The following PRKN variants were observed in gnomAD, a reference collection of about 807,000 sequenced individuals.
PRKN encodes the protein parkin RBR E3 ubiquitin protein ligase, also known as E3 ubiquitin-protein ligase parkin.
Under a neutral mutation model 59.5 loss-of-function variants are expected in PRKN, and 56 were observed. The ratio of observed to expected loss-of-function variants is 0.94; its 90% confidence interval spans 0.76 to 1.18. The LOEUF is 1.18. Ranked by LOEUF, PRKN falls within the 50% of genes most tolerant of loss-of-function variation. PRKN has a pLI of 0.00. For missense variants in PRKN, 657 were observed against 596.4 expected (o/e 1.10, Z -1.06); for synonymous variants, 250 against 222.1 (o/e 1.13, Z -1.12).
At chr6:162,302,397 C>T (rs1782001933) in intron 2 of PRKN, among the ~76,000 whole-genome samples, 1 of 152,110 alleles carries the variant, frequency 6.6e-6, no homozygotes, top group African/African-American at 2.4e-5. Flanking sequence ...CAAGTTACCC[C>T]TTAAAAGAGA....
At chr6:162,546,784 C>G (rs191282191) in intron 1 of PRKN, among the ~76,000 whole-genome samples, 10 of 152,252 alleles carry the variant, frequency 6.6e-5, no homozygotes, top group Admixed American at 4.6e-4. Flanking sequence ...TGTCTCCTTT[C>G]ACCTAACAGA....
At chr6:162,657,716 G>C (rs1056880469) in intron 1 of PRKN, among the ~76,000 whole-genome samples, 1 of 152,088 alleles carries the variant, frequency 6.6e-6, no homozygotes, top group South Asian at 2.1e-4. Flanking sequence ...AAAATTAGTG[G>C]AAGACCCTCC....
At chr6:162,068,072 T>C (rs1778410385) in intron 4 of PRKN, among the ~76,000 whole-genome samples, 1 of 152,218 alleles carries the variant, frequency 6.6e-6, no homozygotes, top group African/African-American at 2.4e-5. Flanking sequence ...AGGAAATCAG[T>C]AACTACATTT....
intron 1 of PRKN, among the ~76,000 whole-genome samples, chr6:162,681,583 T>A (rs1779769479): frequency 6.6e-6 from 1 of 152,164 alleles, no homozygotes; most frequent in South Asian, 2.1e-4. Context: ...AGCCCCTGAT[T>A]ACTGTCTACA....
intron 3 of PRKN, among the ~76,000 whole-genome samples, chr6:162,206,645 G>A (rs1183534832): frequency 1.3e-5 from 2 of 152,114 alleles, no homozygotes; most frequent in African/African-American, 4.8e-5. Flanking sequence ...CCTCAGTTCT[G>A]GTGGAGCCCT....
intron 2 of PRKN, among the ~76,000 whole-genome samples, chr6:162,400,886 A>C (rs1787759582): frequency 6.6e-6 from 1 of 152,198 alleles, no homozygotes; most frequent in Non-Finnish European, 1.5e-5. Flanking sequence ...GTACAATGTA[A>C]TATACACTTA....
At position 162,162,880 on chromosome 6, in the gene PRKN, C is replaced by T. The variant is rs909866361; in HGVS notation, c.534+38251G>A. ...AAAATCAGTGGGGCGTGATGGTGGGCACCTGTAGTCCCAGCTACTCGGGAG... is the reference window on the plus strand; with the variant it reads ...AAAATCAGTGGGGCGTGATGGTGGGTACCTGTAGTCCCAGCTACTCGGGAG... On this transcript the variant is annotated intron_variant, in intron 4 of 11. Transcript: ENST00000366898. Among the ~76,000 whole-genome samples, 45 of 148,046 alleles carry T rather than the reference C, an allele frequency of 3.0e-4. 9 individuals carry two copies. The highest frequency in any genetic ancestry group is 1.0e-4 in the Non-Finnish European group (7 of 67,140).
intron 3 of PRKN, among the ~76,000 whole-genome samples, chr6:162,225,536 A>C: frequency 6.6e-6 from 1 of 152,226 alleles, no homozygotes; most frequent in East Asian, 1.9e-4. Flanking sequence ...CTTCTTTTTC[A>C]TACTAACCTG....
chr6:162,254,821 T>G (rs1343405003), intron 3 of PRKN, among the ~76,000 whole-genome samples: 3 of 152,020 alleles, frequency 2.0e-5, no homozygotes, highest in Non-Finnish European at 4.4e-5. Flanking sequence ...AGTAGAAAAT[T>G]TATCCACTTT....
chr6:162,475,531 A>T (rs190274261), intron 1 of PRKN, among the ~76,000 whole-genome samples: 3 of 152,164 alleles, frequency 2.0e-5, no homozygotes, highest in Admixed American at 1.3e-4. Flanking sequence ...GCGCAGGTAC[A>T]TGCATGTATG....
chr6:161,666,371 C>A (rs183970427), intron 7 of PRKN, among the ~76,000 whole-genome samples: 1 of 152,150 alleles, frequency 6.6e-6, no homozygotes. Context: ...GTTGTGTGCT[C>A]CTTATGAGGA....
chr6:162,072,547 C>A (rs1052728272), intron 4 of PRKN, among the ~76,000 whole-genome samples: 4 of 152,154 alleles, frequency 2.6e-5, no homozygotes, highest in Non-Finnish European at 5.9e-5. Flanking sequence ...ATAAATAATC[C>A]ATTTTTATTC....
At position 161,402,135 on chromosome 6, in the gene PRKN, G is replaced by C. The variant is rs9458241; in HGVS notation, c.1084-15258C>G. Among the ~76,000 whole-genome samples the C allele has an allele frequency of 5.0e-3, 758 of 152,178 alleles. 3 individuals carry two copies. Among genetic ancestry groups the C allele is most frequent in the Non-Finnish European group, 8.6e-3 (584 of 68,016 alleles). ...CTCAGTGGCAGGCCAGGCTCTAAAG[G>C]CTCCTCTGGATGCCTGTTGGCCAAA... On this transcript the variant is annotated intron_variant, in intron 9 of 11. Coordinates refer to ENST00000366898, the MANE Select transcript of PRKN (RefSeq NM_004562.3). This position sits in a 1 kb window ranked among gnomAD's most constrained non-coding sequence, Gnocchi z 4.5.
chr6:162,050,801 G>A (rs186232403), intron 5 of PRKN, among the ~76,000 whole-genome samples: 42 of 152,242 alleles, frequency 2.8e-4, no homozygotes, highest in African/African-American at 9.4e-4. Context: ...AGCCCTCGCT[G>A]GGACTTGAGG....
At chr6:161,603,608 C>G (rs1357870913) in intron 7 of PRKN, among the ~76,000 whole-genome samples, 2 of 152,140 alleles carry the variant, frequency 1.3e-5, no homozygotes, top group East Asian at 3.9e-4. Flanking sequence ...TTTTGTTGAC[C>G]TCTCTTACCT....
chr6:162,371,000 A>G (rs1785735642), intron 2 of PRKN, among the ~76,000 whole-genome samples: 1 of 152,206 alleles, frequency 6.6e-6, no homozygotes. Context: ...TGCTACTGCT[A>G]TTAGCCCAAT....
At chr6:161,773,557 C>T (rs751617962) in intron 7 of PRKN, among the ~76,000 whole-genome samples, 4 of 151,866 alleles carry the variant, frequency 2.6e-5, no homozygotes, top group African/African-American at 4.8e-5. Flanking sequence ...AGAAGAAATC[C>T]TAAAGACAGC....
chr6:162,227,503 C>G lies in PRKN; in HGVS notation c.413-26251G>C, dbSNP rs575952359. ...AAATGTAAGAGACTCTCTCAATGATCAATAAATCTGACACCCACAAACACT... is the reference window on the plus strand; with the variant it reads ...AAATGTAAGAGACTCTCTCAATGATGAATAAATCTGACACCCACAAACACT... On this transcript the variant is annotated intron_variant, in intron 3 of 11. Coordinates refer to ENST00000366898, the MANE Select transcript of PRKN (RefSeq NM_004562.3). Among the ~76,000 whole-genome samples the G allele has an allele frequency of 1.3e-3, 193 of 152,198 alleles. 1 individual carries two copies. The highest frequency in any genetic ancestry group is 4.3e-3 in the African/African-American group (177 of 41,530).
In PRKN at chr6:161,445,768, T is replaced by C. The variant is rs898179053; in HGVS notation, c.1084-58891A>G. Reference sequence around the variant, plus strand: ...ATGAGCTGGGCCCACTTTCCTGCTATTGGCCGCCAGCAAAGAATACAAGGG... The same window carrying C: ...ATGAGCTGGGCCCACTTTCCTGCTACTGGCCGCCAGCAAAGAATACAAGGG... On this transcript the variant is annotated intron_variant, in intron 9 of 11. Transcript: ENST00000366898. The surrounding 1 kb of genome is among the most constrained non-coding windows in gnomAD (Gnocchi z 7.7). Among the ~76,000 whole-genome samples, 41 of 151,812 alleles carry C rather than the reference T, an allele frequency of 2.7e-4. No individual in the cohort carries two copies. Among genetic ancestry groups the C allele is most frequent in the Non-Finnish European group, 4.3e-4 (29 of 67,996 alleles).
Sources: gnomAD v4.1 joint callset for allele counts (sites outside exome capture counted in the v4.1 genomes callset) on GRCh38, gnomAD v4.1.1 for gene constraint, Gnocchi (gnomAD v3.1) non-coding constraint, MANE v1.5 for transcripts, NCBI Gene and HGNC (gene_info 2026-07-23, HGNC 2026-07-21) for gene names.